MAB21L4: variants seen among roughly 807,000 people sequenced by gnomAD.
MAB21L4 encodes the protein protein mab-21-like 4.
A neutral mutation model predicts 32.4 loss-of-function variants in MAB21L4; 25 were observed. The ratio of observed to expected loss-of-function variants is 0.77; its 90% CI spans 0.56 to 1.08. The LOEUF (loss-of-function observed/expected upper bound fraction) is 1.08. Among genes scored for constraint, MAB21L4 ranks in the 50% least tolerant of loss-of-function variants. The pLI is 0.00. For missense variants in MAB21L4, 638 were observed against 611.0 expected (o/e 1.04, Z -0.47); for synonymous variants, 280 against 276.8 (o/e 1.01, Z -0.11).
intron 1 of MAB21L4, among the ~76,000 whole-genome samples, chr2:240,895,060 G>A (rs915268293): frequency 3.9e-5 from 6 of 152,188 alleles, no homozygotes; most frequent in South Asian, 2.1e-4. Flanking sequence ...GGGGAGCCTC[G>A]AGGTCACAGG....
rs73004124 is a variant in MAB21L4, at chr2:240,886,450, T to C, written c.*620A>G. On this transcript the variant is annotated 3_prime_UTR_variant, in exon 5 of 5. Coordinates refer to ENST00000388934, the MANE Select transcript of MAB21L4 (RefSeq NM_001085437.3). ...TTCCACGGGGACGGGAAGAAGCAGA[T>C]GGGAGTAGTCCTGGGCAGGTGGGCT... is the stretch of plus-strand genomic sequence containing the variant. The C allele has an allele frequency of 6.6e-6, 1 of 152,186 alleles. No homozygotes were observed. The highest frequency in any genetic ancestry group is 2.1e-4 in the South Asian group (1 of 4,826). 9.4% of individuals were successfully genotyped at this position (152,186 alleles called of 1,614,324 possible).
rs1012872132 is a variant in MAB21L4, at chr2:240,892,019, C to T, written c.515-256G>A. 4.7e-6 allele frequency: 7 copies of T among 1,491,914 alleles called. 1 individual carries two copies. In the South Asian group the frequency reaches 6.4e-5, roughly 14 times the overall value. The allele number at this position is 1,491,914 out of a possible 1,614,324, so 92.4% of individuals were successfully genotyped here. ...GTCCTCGGCACAACTGTCAGCTCAG[C>T]GACTTGCAGCACCAGTGATGACAGC... On this transcript the variant is annotated intron_variant, in intron 1 of 4. Transcript: ENST00000388934.
Position 240,888,549 on chromosome 2 carries a change from G to A in MAB21L4, c.994C>T (p.Leu332=). 6.2e-7 allele frequency: 1 copy of A among 1,608,964 alleles called. No individual in the cohort carries two copies. Among genetic ancestry groups the A allele is most frequent in the East Asian group, 2.2e-5 (1 of 44,834 alleles). ...YRLLVVLLCC[L]ATRKLPHFLH... is the part of the protein sequence containing the mutation. ...AAGTGGGGCAGCTTCCGCGTGGCCA[G>A]GCAACAGAGCAGCACCACCAGCAGG... The change falls in exon 4 of 5, where the codon CTG becomes TTG. Residue 332 remains leucine (L), a synonymous_variant. Coordinates refer to ENST00000388934, the MANE Select transcript of MAB21L4 (RefSeq NM_001085437.3).
At chr2:240,887,440 C>G (rs1453189436) in intron 4 of MAB21L4, among the ~76,000 whole-genome samples, 1 of 152,336 alleles carries the variant, frequency 6.6e-6, no homozygotes, top group East Asian at 1.9e-4. Flanking sequence ...CGGTGACCAC[C>G]CCACCCTCAC....
intron 1 of MAB21L4, among the ~76,000 whole-genome samples, chr2:240,895,170 C>T: frequency 6.6e-6 from 1 of 152,234 alleles, no homozygotes; most frequent in Non-Finnish European, 1.5e-5. Context: ...CACTGGACGA[C>T]TGGCAGCCGT....
chr2:240,888,276 C>A lies in MAB21L4; in HGVS notation c.1251+16G>T. On this transcript the variant is annotated intron_variant, in intron 4 of 4. Transcript: ENST00000388934. ...TGCCCCCGGGCCTGCCCAAGGCCCC[C>A]GCAGCCAGCACCCACCTTGTCCAGC... The A allele has an allele frequency of 6.6e-7, 1 of 1,521,090 alleles. No individual in the cohort carries two copies. The highest frequency in any genetic ancestry group is 1.3e-5 in the South Asian group (1 of 75,986). The allele number at this position is 1,521,090 out of a possible 1,614,324, so 94.2% of individuals were successfully genotyped here.
intron 1 of MAB21L4, 164 bp from the exon 2 acceptor site, chr2:240,891,927 C>T (rs779563142): frequency 3.2e-6 from 5 of 1,570,322 alleles, no homozygotes; most frequent in South Asian, 2.3e-5. Context: ...CAACCCCAGA[C>T]ACCTGTGTCC....
At chr2:240,894,657 T>G (rs1258944124) in intron 1 of MAB21L4, among the ~76,000 whole-genome samples, 1 of 152,058 alleles carries the variant, frequency 6.6e-6, no homozygotes, top group Admixed American at 6.5e-5. Flanking sequence ...ATACAAAAAT[T>G]AGCTAGGCGT....
At chr2:240,888,799 G>C in intron 3 of MAB21L4, 151 bp from the exon 4 acceptor site, 1 of 546,874 alleles carries the variant, frequency 1.8e-6, no homozygotes, top group South Asian at 3.2e-5. Context: ...GTCCCAGTCG[G>C]AGTCCCAGGC....
intron 4 of MAB21L4, among the ~76,000 whole-genome samples, chr2:240,887,967 G>C (rs1012787801): frequency 2.6e-5 from 4 of 152,184 alleles, no homozygotes; most frequent in Non-Finnish European, 4.4e-5. Context: ...GGAACTCCAG[G>C]GTGGGCAGCT....
chr2:240,887,241 C>T (rs575282522), intron 4 of MAB21L4, 79 bp from the exon 5 acceptor site: 6 of 1,207,656 alleles, frequency 5.0e-6, no homozygotes, highest in Middle Eastern at 1.9e-4. Context: ...GAGAGCACAG[C>T]GTGGAACAAC....
chr2:240,893,082 G>C (rs778340767), intron 1 of MAB21L4, among the ~76,000 whole-genome samples: 1 of 152,200 alleles, frequency 6.6e-6, no homozygotes, highest in Non-Finnish European at 1.5e-5. Context: ...CCCCTCCCCA[G>C]TACTGTCCAG....
chr2:240,893,704 G>A (rs1008053476), intron 1 of MAB21L4, among the ~76,000 whole-genome samples: 11 of 152,210 alleles, frequency 7.2e-5, no homozygotes, highest in Non-Finnish European at 4.4e-5. Flanking sequence ...GGCTGTGGGC[G>A]CGGCCTGCAG....
In MAB21L4 at chr2:240,892,059, G is replaced by A. The variant is rs544865501; in HGVS notation, c.515-296C>T. The A allele has an allele frequency of 5.6e-5, 81 of 1,447,642 alleles. No homozygotes were observed. In the South Asian group the frequency reaches 9.2e-4, roughly 16 times the overall value. 89.7% of individuals were successfully genotyped at this position (1,447,642 alleles called of 1,614,324 possible). A position where few individuals can be genotyped will look rare whatever the true frequency, so the allele number is the denominator to read the frequency against. Reference sequence around the variant, plus strand: ...GTGATGACAGCAGCGTCCTACATGAGGTTTTCCTTTGCCAGGCACCACCCT... The same window carrying A: ...GTGATGACAGCAGCGTCCTACATGAAGTTTTCCTTTGCCAGGCACCACCCT... On this transcript the variant is annotated intron_variant, in intron 1 of 4. Coordinates refer to ENST00000388934, the MANE Select transcript of MAB21L4 (RefSeq NM_001085437.3).
Position 240,895,754 on chromosome 2 carries a change from C to CCA in MAB21L4, c.242_243dup (p.Glu82TrpfsTer13). Reference sequence around the variant, plus strand: ...TCGGCATCCACCCACAGGGGCACCTCCATGTCCATTGGGTCCTCAGAGGAG... The same window carrying CCA: ...TCGGCATCCACCCACAGGGGCACCTCCACATGTCCATTGGGTCCTCAGAGGAG... On this transcript the variant is annotated frameshift_variant, in exon 1 of 5. Transcript: ENST00000388934. LOFTEE classifies it high-confidence loss of function. 1 of 1,612,744 alleles carries CCA rather than the reference C, an allele frequency of 6.2e-7. No homozygotes were observed. Among genetic ancestry groups the CCA allele is most frequent in the Non-Finnish European group, 8.5e-7 (1 of 1,179,900 alleles).
chr2:240,895,061 A>T (rs946704211), intron 1 of MAB21L4, among the ~76,000 whole-genome samples: 1 of 152,206 alleles, frequency 6.6e-6, no homozygotes, highest in Non-Finnish European at 1.5e-5. Context: ...GGGAGCCTCG[A>T]GGTCACAGGC....
In MAB21L4 at chr2:240,888,627, C is replaced by G. The variant is rs779790613; in HGVS notation, c.916G>C (p.Val306Leu). 57 of 1,585,204 alleles carry G rather than the reference C, an allele frequency of 3.6e-5. No individual in the cohort carries two copies. Among genetic ancestry groups the G allele is most frequent in the Non-Finnish European group, 4.9e-5 (57 of 1,165,828 alleles). The change falls in exon 4 of 5, where the codon GTG becomes CTG. Residue 306 changes from valine to leucine, a missense_variant. Transcript: ENST00000388934. ...CAGTCCTCGGGCGCCAGGAAGAGCA[C>G]AGAGGCCCACAGCAGCACCATCTGC... ...HLKMVLLWASVLFLAPEDWAE... is the reference protein window; with the variant it reads ...HLKMVLLWASLLFLAPEDWAE...
Position 240,888,585 on chromosome 2 carries a change from C to A in MAB21L4, c.958G>T (p.Ala320Ser), listed in dbSNP as rs774809770. ...APEDWAELQG[A>S]VYRLLVVLLC... ...AGCACCACCAGCAGGCGGTACACGG[C>A]GCCCTGCAGTTCTGCCCAGTCCTCG... The change falls in exon 4 of 5, where the codon GCC becomes TCC. Residue 320 changes from alanine to serine, a missense_variant. Ala to Ser is a moderately conservative substitution (Grantham distance 99). Coordinates refer to ENST00000388934, the MANE Select transcript of MAB21L4 (RefSeq NM_001085437.3). 1.2e-6 allele frequency: 2 copies of A among 1,606,884 alleles called. No homozygotes were observed. Among genetic ancestry groups the A allele is most frequent in the Admixed American group, 1.7e-5 (1 of 59,696 alleles).
upstream of MAB21L4, chr2:240,896,807 A>C (rs2059189875): frequency 1.1e-5 from 1 of 91,330 alleles, no homozygotes; most frequent in African/African-American, 4.3e-5. Flanking sequence ...GCTGGCACCC[A>C]CCTAGCCTGG....
Sources: gnomAD v4.1 joint callset for allele counts (sites outside exome capture counted in the v4.1 genomes callset) on GRCh38, gnomAD v4.1.1 for gene constraint, MANE v1.5 for transcripts, NCBI Gene and HGNC (gene_info 2026-07-23, HGNC 2026-07-21) for gene names.